ERC1: variants seen among roughly 807,000 people sequenced by gnomAD.
ERC1 encodes the protein ELKS/RAB6-interacting/CAST family member 1.
A neutral mutation model predicts 132.0 loss-of-function variants in ERC1; 56 were observed. That is an observed-to-expected ratio of 0.42 (90% CI 0.34 to 0.53). The LOEUF is 0.53. Ranked by LOEUF, ERC1 falls within the 20% of genes least tolerant of loss-of-function variation. ERC1 has a pLI of 0.03. For synonymous variants in ERC1, 478 were observed against 476.1 expected (o/e 1.00, Z -0.05); for missense variants, 1,202 against 1,349.9 (o/e 0.89, Z 1.72).
At chr12:1,269,362 A>G (rs2077671100) in intron 14 of ERC1, among the ~76,000 whole-genome samples, 1 of 152,212 alleles carries the variant, frequency 6.6e-6, no homozygotes, top group Non-Finnish European at 1.5e-5. Flanking sequence ...TTGAAGGCTA[A>G]GAAGCTTACC....
At chr12:1,068,484 T>TAA (rs34202335) in intron 2 of ERC1, among the ~76,000 whole-genome samples, 1 of 148,710 alleles carries the variant, frequency 6.7e-6, no homozygotes, top group Non-Finnish European at 1.5e-5. Context: ...CTTTAGGAAT[T>TAA]AAAAAAAAAA....
intron 12 of ERC1, among the ~76,000 whole-genome samples, chr12:1,221,372 G>A (rs1045922216): frequency 3.9e-5 from 6 of 152,140 alleles, no homozygotes; most frequent in African/African-American, 1.4e-4. Context: ...AAAGAAATTA[G>A]TGTAGTAGTG....
chr12:1,101,685 A>T (rs571832493), intron 3 of ERC1, among the ~76,000 whole-genome samples: 1 of 152,242 alleles, frequency 6.6e-6, no homozygotes, highest in East Asian at 1.9e-4. Context: ...GTTCCCACAC[A>T]TGCTAAGGAA....
chr12:1,156,554 G>C lies in ERC1; in HGVS notation c.1737+14767G>C, dbSNP rs374317755. Among the ~76,000 whole-genome samples the C allele has an allele frequency of 8.0e-4, 122 of 152,214 alleles. 4 individuals carry two copies. The South Asian group carries it at 0.025, about 31-fold the overall frequency. On this transcript the variant is annotated intron_variant, in intron 8 of 18. Coordinates refer to ENST00000360905, the MANE Select transcript of ERC1 (RefSeq NM_178040.4). ...GCCTGACCTCTTGTTGATTATAGTAGTATAACGCATAATGACATAACCGTC... is the reference window on the plus strand; with the variant it reads ...GCCTGACCTCTTGTTGATTATAGTACTATAACGCATAATGACATAACCGTC...
intron 14 of ERC1, among the ~76,000 whole-genome samples, chr12:1,273,609 G>T (rs2154332379): frequency 6.6e-6 from 1 of 152,184 alleles, no homozygotes; most frequent in Admixed American, 6.5e-5. Flanking sequence ...TTAAAATTTG[G>T]CTAGAGCACC....
At chr12:1,162,425 C>T (rs1449888224) in intron 8 of ERC1, among the ~76,000 whole-genome samples, 1 of 151,374 alleles carries the variant, frequency 6.6e-6, no homozygotes. Context: ...TCAACATTCC[C>T]TTCCATGCTT....
At chr12:1,396,202 G>A (rs1317178485) in intron 16 of ERC1, among the ~76,000 whole-genome samples, 1 of 152,112 alleles carries the variant, frequency 6.6e-6, no homozygotes, top group African/African-American at 2.4e-5. Flanking sequence ...GTAACACTGG[G>A]TTTTAAATTC....
chr12:1,460,981 T>TTTTTTC (rs61029874), intron 18 of ERC1, among the ~76,000 whole-genome samples: 2 of 137,786 alleles, frequency 1.5e-5, no homozygotes, highest in African/African-American at 5.8e-5. Context: ...TTTTTTTTTT[T>TTTTTTC]CATTTTTCTA....
intron 15 of ERC1, among the ~76,000 whole-genome samples, chr12:1,310,073 G>T (rs1279540947): frequency 5.3e-5 from 8 of 151,596 alleles, no homozygotes; most frequent in Admixed American, 5.3e-4. Context: ...TCAGACTCCT[G>T]AGTAGCTGGG....
chr12:1,249,161 G>A (rs1429984300), intron 13 of ERC1, among the ~76,000 whole-genome samples: 1 of 152,090 alleles, frequency 6.6e-6, no homozygotes, highest in Non-Finnish European at 1.5e-5. Context: ...AAAATGCATG[G>A]ATTATACTTT....
At chr12:1,327,137 T>C (rs540713236) in intron 15 of ERC1, among the ~76,000 whole-genome samples, 28 of 152,318 alleles carry the variant, frequency 1.8e-4, no homozygotes, top group Non-Finnish European at 4.0e-4. Context: ...CTAAATCTCA[T>C]GTCCTAATTT....
chr12:1,206,362 T>G (rs951055446), intron 12 of ERC1, among the ~76,000 whole-genome samples: 1 of 152,132 alleles, frequency 6.6e-6, no homozygotes, highest in South Asian at 2.1e-4. Context: ...TTTCCATGTT[T>G]ATTTTAACCA....
rs1192889023 is a variant in ERC1, at chr12:1,154,334, CACAT to C, written c.1737+12550_1737+12553del. ...ATGTGTGTGTGTATATATATATACA[CACAT>C]ACCCATGTGTGTTTATACACACACA... On this transcript the variant is annotated intron_variant, in intron 8 of 18. Coordinates refer to ENST00000360905, the MANE Select transcript of ERC1 (RefSeq NM_178040.4). Among the ~76,000 whole-genome samples the C allele has an allele frequency of 2.3e-5, 3 of 128,276 alleles. No individual in the cohort carries two copies. The East Asian group carries it at 6.6e-4, about 28-fold the overall frequency. 84.2% of individuals were successfully genotyped at this position (128,276 alleles called of 152,430 possible). A position where few individuals can be genotyped will look rare whatever the true frequency, so the allele number is the denominator to read the frequency against.
chr12:1,219,114 C>A (rs959297354), intron 12 of ERC1, among the ~76,000 whole-genome samples: 1 of 152,048 alleles, frequency 6.6e-6, no homozygotes, highest in Non-Finnish European at 1.5e-5. Context: ...CTCAGGTGAT[C>A]CACCCGCCTT....
chr12:1,031,305 A>G (rs12581575), intron 2 of ERC1, among the ~76,000 whole-genome samples: 13,711 of 152,260 alleles, frequency 0.09, 759 homozygotes, highest in South Asian at 0.18. Flanking sequence ...AAATATCTCT[A>G]TGCATATACA....
chr12:1,438,628 A>ATT (rs1372186198), intron 17 of ERC1, among the ~76,000 whole-genome samples: 1 of 152,172 alleles, frequency 6.6e-6, no homozygotes, highest in Non-Finnish European at 1.5e-5. Flanking sequence ...AGTCATCAAT[A>ATT]AATGTTAGCT....
intron 8 of ERC1, among the ~76,000 whole-genome samples, chr12:1,169,231 T>A (rs1952788240): frequency 6.6e-6 from 1 of 152,224 alleles, no homozygotes; most frequent in African/African-American, 2.4e-5. Context: ...TCTCTCCTGA[T>A]TGTTGAAGGA....
chr12:1,490,672 A>G lies in ERC1; in HGVS notation c.*442A>G, dbSNP rs558131089. The G allele has an allele frequency of 4.3e-6, 1 of 232,254 alleles. No homozygotes were observed. Among genetic ancestry groups the G allele is most frequent in the Non-Finnish European group, 8.5e-6 (1 of 117,582 alleles). 14.4% of individuals were successfully genotyped at this position (232,254 alleles called of 1,614,324 possible). A position where few individuals can be genotyped will look rare whatever the true frequency, so the allele number is the denominator to read the frequency against. ...GAGAGCTGAGTGTTCTAATATCACAATAGGTGCTTTCTCCTAAAAGGGCAA... is the reference window on the plus strand; with the variant it reads ...GAGAGCTGAGTGTTCTAATATCACAGTAGGTGCTTTCTCCTAAAAGGGCAA... On this transcript the variant is annotated 3_prime_UTR_variant, in exon 19 of 19. Coordinates refer to ENST00000360905, the MANE Select transcript of ERC1 (RefSeq NM_178040.4).
intron 15 of ERC1, among the ~76,000 whole-genome samples, chr12:1,371,228 T>C (rs1209027877): frequency 6.9e-6 from 1 of 145,442 alleles, no homozygotes; most frequent in Non-Finnish European, 1.5e-5. Flanking sequence ...ACCACCATTC[T>C]ACTCTCTGTT....
Sources: allele counts gnomAD v4.1 joint callset (sites outside exome capture counted in the v4.1 genomes callset), GRCh38; gene constraint gnomAD v4.1.1; transcripts MANE v1.5; gene names NCBI Gene and HGNC (gene_info 2026-07-23, HGNC 2026-07-21).